HTT: variants seen among roughly 807,000 people sequenced by gnomAD.
HTT encodes the protein huntingtin, also known as huntington disease protein.
In HTT, 104 loss-of-function variants were observed where a neutral mutation model predicts 362.3. The observed-to-expected ratio is 0.29, with a 90% CI of 0.24 to 0.34. The LOEUF (loss-of-function observed/expected upper bound fraction) is 0.34, where lower values mean the gene tolerates loss of function less well. Ranked by LOEUF, HTT falls within the 10% of genes least tolerant of loss-of-function variation. The probability of loss-of-function intolerance (pLI) is 1.00; values close to 1 mark genes in which losing one functional copy is unlikely to be tolerated. For synonymous variants in HTT, 1,577 were observed against 1,548.7 expected (o/e 1.02, Z -0.43); for missense variants, 3,301 against 3,928.6 (o/e 0.84, Z 4.27).
At chr4:3,163,885 T>C (rs992177173) in intron 29 of HTT, among the ~76,000 whole-genome samples, 6 of 147,800 alleles carry the variant, frequency 4.1e-5, no homozygotes, top group African/African-American at 1.6e-4. Flanking sequence ...CTGGATTCAT[T>C]GATTTTTTTT....
chr4:3,094,888 G>A (rs1411696177), intron 2 of HTT, among the ~76,000 whole-genome samples: 2 of 151,956 alleles, frequency 1.3e-5, no homozygotes, highest in South Asian at 2.1e-4. Context: ...GTTCCCAGAC[G>A]GAGTCACGGC....
At chr4:3,080,422 C>A (rs780613890) in intron 1 of HTT, among the ~76,000 whole-genome samples, 2 of 152,158 alleles carry the variant, frequency 1.3e-5, no homozygotes, top group African/African-American at 2.4e-5. Context: ...TTATACTTAC[C>A]TTGCAAACCC....
intron 29 of HTT, among the ~76,000 whole-genome samples, chr4:3,161,108 TCTC>T (rs771762205): frequency 1.3e-5 from 2 of 152,120 alleles, no homozygotes; most frequent in Non-Finnish European, 2.9e-5. Flanking sequence ...TGTGTGATGT[TCTC>T]CTCCCTGTGC....
rs751683630 is a variant in HTT, at chr4:3,175,051, T to G, written c.4351T>G (p.Leu1451Val). ...GCAGTTACAGAAGCAGGTTTTAGAT[T>G]TGCTGGCGCAGCTGGTTCAGTTACG... is the stretch of plus-strand genomic sequence containing the variant. ...CVQLQKQVLD[L>V]LAQLVQLRVN... The change falls in exon 33 of 67, where the codon TTG becomes GTG. Residue 1451 changes from leucine to valine, a missense_variant. Leu to Val is a conservative substitution (Grantham distance 32). Coordinates refer to ENST00000355072, the MANE Select transcript of HTT (RefSeq NM_001388492.1). The G allele has an allele frequency of 1.2e-6, 2 of 1,614,224 alleles. No individual in the cohort carries two copies. The highest frequency in any genetic ancestry group is 3.3e-5 in the Admixed American group (2 of 60,024).
In HTT at chr4:3,235,523, G is replaced by C. The variant is rs1459357409; in HGVS notation, c.8572-42G>C. On this transcript the variant is annotated intron_variant, in intron 62 of 66. Transcript: ENST00000355072. ...GGAGGAGGCATGAACACCTGAGACT[G>C]TGCAGCGATTCTTTGACACAGAGGC... 8.2e-6 allele frequency: 13 copies of C among 1,588,182 alleles called. No individual in the cohort carries two copies. The South Asian group carries it at 9.9e-5, about 12-fold the overall frequency.
chr4:3,183,742 C>T (rs1223230701), intron 37 of HTT, among the ~76,000 whole-genome samples: 1 of 152,094 alleles, frequency 6.6e-6, no homozygotes, highest in African/African-American at 2.4e-5. Flanking sequence ...CTTTTCTGTG[C>T]GTAATCTGAG....
At chr4:3,231,502 G>A (rs898542207) in intron 60 of HTT, among the ~76,000 whole-genome samples, 11 of 152,318 alleles carry the variant, frequency 7.2e-5, no homozygotes, top group Non-Finnish European at 1.6e-4. Context: ...GTTGAGGTGA[G>A]CACATGTCCG....
intron 6 of HTT, among the ~76,000 whole-genome samples, chr4:3,107,955 TG>T (rs1714523693): frequency 1.3e-5 from 2 of 152,234 alleles, no homozygotes; most frequent in African/African-American, 4.8e-5. Context: ...AGGTCAGTCC[TG>T]GGTTTGAGCC....
chr4:3,213,866 G>A (rs1720273442), intron 49 of HTT, 92 bp from the exon 50 acceptor site: 1 of 1,219,478 alleles, frequency 8.2e-7, no homozygotes, highest in African/African-American at 1.6e-5. Flanking sequence ...CTGCCCCTCA[G>A]TGCTTTGGAC....
intron 22 of HTT, 98 bp from the exon 23 acceptor site, chr4:3,142,667 CT>C (rs2110200263): frequency 3.1e-6 from 2 of 638,940 alleles, no homozygotes; most frequent in Non-Finnish European, 5.1e-6. Flanking sequence ...GACTGCTTAA[CT>C]TTTTTTAATC....
Position 3,116,038 on chromosome 4 carries a change from C to G in HTT, c.890-47C>G, listed in dbSNP as rs906384414. ...TTTTAACAGATTAAGCCGGGAATCT[C>G]CAAACAGTGAGTCAGATGTTAAGAT... On this transcript the variant is annotated intron_variant, in intron 7 of 66. Transcript: ENST00000355072. 3.9e-6 allele frequency: 6 copies of G among 1,538,082 alleles called. No homozygotes were observed. The African/African-American group carries it at 4.1e-5, about 10-fold the overall frequency.
chr4:3,202,361 T>G (rs915490833), intron 41 of HTT, among the ~76,000 whole-genome samples: 7 of 152,218 alleles, frequency 4.6e-5, no homozygotes, highest in African/African-American at 1.7e-4. Flanking sequence ...ATATTTGAAT[T>G]GCAAATACTG....
chr4:3,238,348 A>G lies in HTT; in HGVS notation c.8892-99A>G, dbSNP rs955864973. 3.2e-5 allele frequency: 27 copies of G among 848,994 alleles called. No homozygotes were observed. The South Asian group carries it at 3.6e-4, about 11-fold the overall frequency. The allele number at this position is 848,994 out of a possible 1,614,324, so 52.6% of individuals were successfully genotyped here. On this transcript the variant is annotated intron_variant, in intron 64 of 66. Transcript: ENST00000355072. ...GGGTCCCTCCCAGCCCTGATTTCAC[A>G]TCGGCATTTTCCCCAGTATTAGAGC...
chr4:3,196,482 A>G (rs1719262414), intron 40 of HTT, among the ~76,000 whole-genome samples: 1 of 152,178 alleles, frequency 6.6e-6, no homozygotes, highest in Admixed American at 6.5e-5. Context: ...CACACCTGTA[A>G]TCCTGTGCAC....
rs577882128 is a variant in HTT at position 3,154,477 on chromosome 4, A to G, written c.3625+58A>G. 3.2e-6 allele frequency: 5 copies of G among 1,583,110 alleles called. No homozygotes were observed. In the South Asian group the frequency reaches 3.5e-5, roughly 11 times the overall value. On this transcript the variant is annotated intron_variant, in intron 27 of 66. Coordinates refer to ENST00000355072, the MANE Select transcript of HTT (RefSeq NM_001388492.1). The stretch of plus-strand genomic sequence containing the variant: ...AGTGCAGCATCTGTCATGTAGAAAC[A>G]TAGGATTTAAGTAACTTGGTGTTTT...
At chr4:3,101,634 C>G (rs983547455) in intron 3 of HTT, among the ~76,000 whole-genome samples, 2 of 152,224 alleles carry the variant, frequency 1.3e-5, no homozygotes, top group Non-Finnish European at 2.9e-5. Context: ...CTAGGTTCTA[C>G]TTAGCCCAAG....
chr4:3,122,737 A>T, intron 9 of HTT, 152 bp from the exon 10 acceptor site: 1 of 551,962 alleles, frequency 1.8e-6, no homozygotes, highest in Non-Finnish European at 3.3e-6. Flanking sequence ...TATTGAAATT[A>T]AAATGTTGAA....
At chr4:3,143,035 T>G in intron 23 of HTT, 149 bp downstream of exon 23, 1 of 601,514 alleles carries the variant, frequency 1.7e-6, no homozygotes, top group South Asian at 2.7e-5. Context: ...TGTGCTTCTG[T>G]GAAAAGAATC....
chr4:3,088,852 G>T (rs761870036), intron 2 of HTT, among the ~76,000 whole-genome samples: 2 of 151,930 alleles, frequency 1.3e-5, no homozygotes, highest in African/African-American at 2.4e-5. Flanking sequence ...TCTGTTGTTT[G>T]TGAAATACTG....
Sources: gnomAD v4.1 joint callset for allele counts (sites outside exome capture counted in the v4.1 genomes callset) on GRCh38, gnomAD v4.1.1 for gene constraint, MANE v1.5 for transcripts, NCBI Gene and HGNC (gene_info 2026-07-23, HGNC 2026-07-21) for gene names.